The following CFAP44 variants were observed in gnomAD, a reference collection of about 807,000 sequenced individuals.
The protein encoded by CFAP44 is cilia- and flagella-associated protein 44.
In CFAP44, 134 loss-of-function variants were observed where a neutral mutation model predicts 216.2. The observed-to-expected ratio is 0.62, with a 90% confidence interval of 0.54 to 0.72. The LOEUF is 0.72. Among genes scored for constraint, CFAP44 ranks in the 30% least tolerant of loss-of-function variants. CFAP44 has a pLI of 0.00. For synonymous variants in CFAP44, 700 were observed against 727.6 expected (o/e 0.96, Z 0.61); for missense variants, 2,035 against 2,182.1 (o/e 0.93, Z 1.34).
intron 32 of CFAP44, among the ~76,000 whole-genome samples, chr3:113,299,768 C>A (rs758261688): frequency 6.6e-6 from 1 of 152,176 alleles, no homozygotes; most frequent in Non-Finnish European, 1.5e-5. Flanking sequence ...GTGACTCACA[C>A]CTGTAATCCT....
At chr3:113,342,029 GTAAA>G in intron 23 of CFAP44, 111 bp from the exon 24 acceptor site, 1 of 1,254,170 alleles carries the variant, frequency 8.0e-7, no homozygotes, top group Non-Finnish European at 1.1e-6. Flanking sequence ...TATTGAATTT[GTAAA>G]TCAAAGTATT....
rs750434192 is a variant in CFAP44, at chr3:113,400,580, G to C, written c.1439C>G (p.Pro480Arg). The change falls in exon 12 of 35, where the codon CCT (proline) becomes CGT (arginine). Residue 480 changes from proline (P) to arginine (R), a missense_variant. Physicochemically the swap from Pro to Arg is moderately radical, Grantham distance 103. This residue lies in a region of CFAP44 where 1,883 missense variants were observed against 2,023.7 expected (regional missense o/e 0.93). Transcript: ENST00000393845. ...AGTTGTGGCCATGAGATAAGTGAGA[G>C]GAGAAACAGCCACGGCTTCAATAGC... ...SGAIEAVAVS[P>R]LTYLMATTAL... is the part of the protein sequence containing the mutation. The C allele has an allele frequency of 6.2e-7, 1 of 1,610,330 alleles. No individual in the cohort carries two copies. Among genetic ancestry groups the C allele is most frequent in the Non-Finnish European group, 8.5e-7 (1 of 1,178,088 alleles).
chr3:113,317,616 A>G (rs185257635), intron 28 of CFAP44, among the ~76,000 whole-genome samples: 49 of 152,318 alleles, frequency 3.2e-4, no homozygotes, highest in African/African-American at 1.0e-3. Flanking sequence ...CTGAATCTCA[A>G]GATATCCCAG....
chr3:113,307,979 C>CA (rs970655549), intron 29 of CFAP44, among the ~76,000 whole-genome samples, 179 bp downstream of exon 29: 2 of 151,976 alleles, frequency 1.3e-5, no homozygotes, highest in Non-Finnish European at 2.9e-5. Context: ...AACTCTGTCT[C>CA]AAAAAAATAA....
At chr3:113,438,179 A>T (rs1412621443) in intron 1 of CFAP44, among the ~76,000 whole-genome samples, 3 of 152,230 alleles carry the variant, frequency 2.0e-5, no homozygotes, top group Non-Finnish European at 4.4e-5. Flanking sequence ...AGTTGTTTTT[A>T]CTATACTCCT....
chr3:113,384,207 C>T (rs1474970885), intron 15 of CFAP44, among the ~76,000 whole-genome samples: 1 of 151,960 alleles, frequency 6.6e-6, no homozygotes, highest in East Asian at 1.9e-4. Context: ...TGCAGGTGCC[C>T]GCCACCACGC....
In CFAP44 at chr3:113,305,127, T is replaced by C. The variant is rs1416427264; in HGVS notation, c.4784A>G (p.Asn1595Ser). The change falls in exon 31 of 35, where the codon AAT (asparagine) becomes AGT (serine). Residue 1595 changes from asparagine (N) to serine (S), a missense_variant. Coordinates refer to ENST00000393845, the MANE Select transcript of CFAP44 (RefSeq NM_001164496.2). Reference sequence around the variant, plus strand: ...AGCCTCCAGGGCCTCCTCTGCTGCATTCAGATTAGTTGCCACAATTTTCAC... The same window carrying C: ...AGCCTCCAGGGCCTCCTCTGCTGCACTCAGATTAGTTGCCACAATTTTCAC... The part of the protein sequence containing the change: ...KKVKIVATNL[N>S]AAEEALEAYQ... 4 of 1,537,218 alleles carry C rather than the reference T, an allele frequency of 2.6e-6. No individual in the cohort carries two copies. The highest frequency in any genetic ancestry group is 1.2e-5 in the South Asian group (1 of 84,058).
At chr3:113,420,375 G>C (rs1934781493) in intron 4 of CFAP44, among the ~76,000 whole-genome samples, 196 bp from the exon 5 acceptor site, 1 of 152,076 alleles carries the variant, frequency 6.6e-6, no homozygotes, top group African/African-American at 2.4e-5. Flanking sequence ...GAAAAAAAAG[G>C]CCTGGGCAGG....
intron 19 of CFAP44, 124 bp from the exon 20 acceptor site, chr3:113,363,656 A>T: frequency 1.2e-6 from 1 of 828,752 alleles, no homozygotes; most frequent in Non-Finnish European, 1.8e-6. Context: ...AATTTCTAAT[A>T]ATTATAGGTC....
At chr3:113,296,224 A>T (rs1949878600) in intron 33 of CFAP44, among the ~76,000 whole-genome samples, 1 of 152,140 alleles carries the variant, frequency 6.6e-6, no homozygotes, top group South Asian at 2.1e-4. Context: ...AAAGGACATG[A>T]TATCATTTTT....
In CFAP44 at chr3:113,430,859, T is replaced by A. The variant is rs62265970; in HGVS notation, c.100+2706A>T. On this transcript the variant is annotated intron_variant, in intron 2 of 34. Transcript: ENST00000393845. ...CCTCCCAAAATTATTAAATAAGGTC[T>A]GCAATAATTTAGTCCTTTGATAAGC... Among the ~76,000 whole-genome samples, 778 of 152,300 alleles carry A rather than the reference T, an allele frequency of 5.1e-3. 6 individuals carry two copies. Among genetic ancestry groups the A allele is most frequent in the Middle Eastern group, 0.014 (4 of 294 alleles).
At position 113,344,533 on chromosome 3, in the gene CFAP44, T is replaced by C; in HGVS notation, c.3245A>G (p.Asp1082Gly). The C allele has an allele frequency of 2.6e-6, 4 of 1,536,916 alleles. No homozygotes were observed. Among genetic ancestry groups the C allele is most frequent in the Non-Finnish European group, 3.5e-6 (4 of 1,146,780 alleles). ...RFEKEGPGRK[D>G]SQRDAGGSVT... ...TAGGCTACCTGCATCTCTCTGGCTG[T>C]CCTTTCTTCCAGGTCCCTCTTTTTC... Residue 1082 changes from aspartate (D) to glycine (G), a missense_variant, in exon 23 of 35, where the codon GAC becomes GGC. Physicochemically the swap from Asp to Gly is moderately conservative, Grantham distance 94. This residue lies in a region of CFAP44 where 1,883 missense variants were observed against 2,023.7 expected (regional missense o/e 0.93). Coordinates refer to ENST00000393845, the MANE Select transcript of CFAP44 (RefSeq NM_001164496.2).
chr3:113,348,815 C>T (rs962662353), intron 22 of CFAP44, among the ~76,000 whole-genome samples: 1 of 152,136 alleles, frequency 6.6e-6, no homozygotes, highest in Non-Finnish European at 1.5e-5. Flanking sequence ...CAGATGATCC[C>T]GATAGGTACA....
intron 23 of CFAP44, among the ~76,000 whole-genome samples, chr3:113,343,059 C>CTTTTTTTTTTTTTTT (rs397990837): frequency 9.4e-6 from 1 of 106,774 alleles, no homozygotes; most frequent in Admixed American, 1.0e-4. Context: ...TTCTTTCTTT[C>CTTTTTTTTTTTTTTT]TTTTTTTTTT....
rs1395215657 is a variant in CFAP44, at chr3:113,290,872, T to C, written c.*685A>G. 4 of 152,216 alleles carry C rather than the reference T, an allele frequency of 2.6e-5. No homozygotes were observed. The highest frequency in any genetic ancestry group is 5.9e-5 in the Non-Finnish European group (4 of 68,048). The allele number at this position is 152,216 out of a possible 1,614,324, so 9.4% of individuals were successfully genotyped here. A position where few individuals can be genotyped will look rare whatever the true frequency, so the allele number is the denominator to read the frequency against. Reference sequence around the variant, plus strand: ...AAAAGCCTCTTTATTGACTGTTTTATTAAGCATGCCCCTCTGCTCCACTCA... The same window carrying C: ...AAAAGCCTCTTTATTGACTGTTTTACTAAGCATGCCCCTCTGCTCCACTCA... On this transcript the variant is annotated 3_prime_UTR_variant, in exon 35 of 35. Coordinates refer to ENST00000393845, the MANE Select transcript of CFAP44 (RefSeq NM_001164496.2).
intron 15 of CFAP44, among the ~76,000 whole-genome samples, chr3:113,389,435 A>T (rs1933736101): frequency 1.3e-5 from 2 of 152,128 alleles, no homozygotes; most frequent in African/African-American, 4.8e-5. Flanking sequence ...AAAAACCTCA[A>T]ATAACTAATG....
intron 22 of CFAP44, among the ~76,000 whole-genome samples, chr3:113,352,286 G>C (rs1950452606): frequency 6.6e-6 from 1 of 152,172 alleles, no homozygotes; most frequent in Non-Finnish European, 1.5e-5. Flanking sequence ...ATAAAAGCTG[G>C]CCACCCCAGC....
In CFAP44 at chr3:113,395,778, C is replaced by T. The variant is rs1933973131; in HGVS notation, c.1862G>A (p.Cys621Tyr). ...AGACATGGGAGACCACATTAACTGA[C>T]ACACAGGTCCAGGAGTATTAATATA... The part of the protein sequence containing the change: ...IGYINTPGPV[C>Y]QLMWSPMSHP... The change falls in exon 15 of 35, where the codon TGT becomes TAT. Residue 621 changes from cysteine to tyrosine, a missense_variant. Physicochemically the swap from Cys to Tyr is radical, Grantham distance 194. This residue lies in a region of CFAP44 where 1,883 missense variants were observed against 2,023.7 expected (regional missense o/e 0.93). Coordinates refer to ENST00000393845, the MANE Select transcript of CFAP44 (RefSeq NM_001164496.2). 21 of 1,612,818 alleles carry T rather than the reference C, an allele frequency of 1.3e-5. No homozygotes were observed. The highest frequency in any genetic ancestry group is 1.8e-5 in the Non-Finnish European group (21 of 1,179,604).
intron 32 of CFAP44, among the ~76,000 whole-genome samples, chr3:113,299,986 G>A (rs1949918851): frequency 6.6e-6 from 1 of 152,216 alleles, no homozygotes; most frequent in African/African-American, 2.4e-5. Flanking sequence ...AGCCATGATT[G>A]CGCTACTGCA....
Sources: gnomAD v4.1 joint callset for allele counts (sites outside exome capture counted in the v4.1 genomes callset) on GRCh38, gnomAD v4.1.1 for gene constraint, gnomAD v4.1.1 regional missense constraint, MANE v1.5 for transcripts, NCBI Gene and HGNC (gene_info 2026-07-23, HGNC 2026-07-21) for gene names.